NALCN: variants seen among roughly 807,000 people sequenced by gnomAD.
The protein encoded by NALCN is sodium leak channel, non-selective, also known as sodium leak channel NALCN.
A neutral mutation model predicts 225.3 loss-of-function variants in NALCN; 111 were observed. That is an observed-to-expected ratio of 0.49 (90% CI 0.42 to 0.58). The LOEUF (loss-of-function observed/expected upper bound fraction) is 0.58, where lower values mean the gene tolerates loss of function less well. Ranked by LOEUF, NALCN falls within the 20% of genes least tolerant of loss-of-function variation. The probability of loss-of-function intolerance (pLI) is 0.00; values close to 1 mark genes in which losing one functional copy is unlikely to be tolerated. For synonymous variants in NALCN, 764 were observed against 769.0 expected (o/e 0.99, Z 0.11); for missense variants, 1,378 against 2,202.4 (o/e 0.63, Z 7.49).
intron 15 of NALCN, among the ~76,000 whole-genome samples, chr13:101,160,104 A>G (rs35673244): frequency 0.49 from 73,854 of 151,288 alleles, 19,159 homozygotes; most frequent in East Asian, 0.94. Context: ...ACAGGTACAC[A>G]CCACCATGCC....
At chr13:101,060,273 C>CTTTTTTTTTTT (rs1566768228) in intron 41 of NALCN, among the ~76,000 whole-genome samples, 3 of 49,330 alleles carry the variant, frequency 6.1e-5, no homozygotes, top group Non-Finnish European at 1.1e-4. Context: ...TTGGTGTTTT[C>CTTTTTTTTTTT]TGTTTTTTTT....
intron 12 of NALCN, among the ~76,000 whole-genome samples, chr13:101,235,864 T>C (rs2041536073): frequency 6.6e-6 from 1 of 152,222 alleles, no homozygotes; most frequent in Non-Finnish European, 1.5e-5. Flanking sequence ...TCTAGTTACC[T>C]GTGATCTGGC....
In NALCN at chr13:101,218,787, G is replaced by C. The variant is rs576425755; in HGVS notation, c.1626+10606C>G. 2.0e-3 allele frequency among the ~76,000 whole-genome samples: 303 copies of C among 152,134 alleles called. 1 individual carries two copies. Among genetic ancestry groups the C allele is most frequent in the African/African-American group, 7.1e-3 (296 of 41,516 alleles). ...CCTTTGCCTTCTGCTGTGATTGTAA[G>C]TTTCTTGTGGTTTCCCCAGGAGCCA... On this transcript the variant is annotated intron_variant, in intron 13 of 43. Coordinates refer to ENST00000251127, the MANE Select transcript of NALCN (RefSeq NM_052867.4).
intron 7 of NALCN, among the ~76,000 whole-genome samples, chr13:101,339,767 A>C (rs777989464): frequency 2.0e-5 from 3 of 152,172 alleles, no homozygotes; most frequent in African/African-American, 4.8e-5. Flanking sequence ...TCAAACTAGA[A>C]AATTCAATGA....
chr13:101,106,635 C>G (rs2035120919), intron 22 of NALCN, among the ~76,000 whole-genome samples: 1 of 152,050 alleles, frequency 6.6e-6, no homozygotes, highest in South Asian at 2.1e-4. Context: ...GGCGGTTCCC[C>G]CATACTGTTC....
intron 10 of NALCN, among the ~76,000 whole-genome samples, chr13:101,275,343 T>C (rs1213125740): frequency 2.6e-5 from 4 of 152,182 alleles, no homozygotes; most frequent in Non-Finnish European, 2.9e-5. Context: ...ATCATGTGGC[T>C]CAAACGGAGA....
At chr13:101,066,040 A>G (rs1324478429) in intron 39 of NALCN, among the ~76,000 whole-genome samples, 3 of 152,198 alleles carry the variant, frequency 2.0e-5, no homozygotes, top group African/African-American at 7.2e-5. Context: ...TTCTACCATT[A>G]AAAGATAACT....
At chr13:101,318,673 T>C (rs2044641540) in intron 7 of NALCN, among the ~76,000 whole-genome samples, 1 of 152,184 alleles carries the variant, frequency 6.6e-6, no homozygotes, top group African/African-American at 2.4e-5. Flanking sequence ...TAGAATTATA[T>C]GCAACTAAGG....
At chr13:101,349,492 TC>T (rs149886245) in intron 6 of NALCN, among the ~76,000 whole-genome samples, 205 of 152,258 alleles carry the variant, frequency 1.3e-3, no homozygotes, top group African/African-American at 4.8e-3. Flanking sequence ...TCCTGAATTA[TC>T]CAGGTGGACC....
intron 9 of NALCN, among the ~76,000 whole-genome samples, chr13:101,288,259 G>T (rs2043413941): frequency 2.0e-5 from 3 of 152,126 alleles, no homozygotes. Context: ...TCCCTGAAAT[G>T]CATTAATTGA....
chr13:101,098,900 C>A (rs572141607), intron 27 of NALCN, among the ~76,000 whole-genome samples: 1 of 151,894 alleles, frequency 6.6e-6, no homozygotes, highest in Non-Finnish European at 1.5e-5. Context: ...ATGGCTGAGT[C>A]TCCTTAGGCT....
intron 10 of NALCN, among the ~76,000 whole-genome samples, chr13:101,283,468 C>A (rs1382585073): frequency 6.6e-6 from 1 of 152,110 alleles, no homozygotes; most frequent in East Asian, 1.9e-4. Context: ...CACCTGCAAT[C>A]CTTATGTTTG....
intron 13 of NALCN, among the ~76,000 whole-genome samples, chr13:101,221,496 C>T (rs1199101943): frequency 6.6e-6 from 1 of 152,184 alleles, no homozygotes; most frequent in Admixed American, 6.5e-5. Context: ...CTGACACAGG[C>T]TACTCCCAAC....
At chr13:101,337,854 G>A (rs184261166) in intron 7 of NALCN, among the ~76,000 whole-genome samples, 8 of 152,216 alleles carry the variant, frequency 5.3e-5, no homozygotes, top group African/African-American at 1.4e-4. Flanking sequence ...CTCAGCACAC[G>A]GGGCAGCAAG....
chr13:101,111,602 C>G (rs1397834805), intron 18 of NALCN, among the ~76,000 whole-genome samples: 1 of 152,182 alleles, frequency 6.6e-6, no homozygotes, highest in East Asian at 1.9e-4. Flanking sequence ...ATCTTGAATT[C>G]CCATGTGTCG....
rs117156664 is a variant in NALCN at position 101,054,960 on chromosome 13, G to A, written c.*335C>T. On this transcript the variant is annotated 3_prime_UTR_variant, in exon 44 of 44. Transcript: ENST00000251127. Reference sequence around the variant, plus strand: ...TGGGCTTAGCACTCTTTTGCGGGGCGGTGATAATACTGCATTAGAGCACAT... The same window carrying A: ...TGGGCTTAGCACTCTTTTGCGGGGCAGTGATAATACTGCATTAGAGCACAT... The A allele has an allele frequency of 1.5e-4, 32 of 207,042 alleles. No homozygotes were observed. The highest frequency in any genetic ancestry group is 1.7e-3 in the Middle Eastern group (1 of 590). 12.8% of individuals were successfully genotyped at this position (207,042 alleles called of 1,614,324 possible). A position where few individuals can be genotyped will look rare whatever the true frequency, so the allele number is the denominator to read the frequency against.
At chr13:101,343,713 C>T (rs934083001) in intron 7 of NALCN, among the ~76,000 whole-genome samples, 5 of 152,156 alleles carry the variant, frequency 3.3e-5, no homozygotes, top group African/African-American at 1.2e-4. Flanking sequence ...GCAATTTCCT[C>T]CTAGAACTGG....
chr13:101,268,465 C>T (rs751279666), intron 10 of NALCN, among the ~76,000 whole-genome samples: 1 of 152,118 alleles, frequency 6.6e-6, no homozygotes, highest in South Asian at 2.1e-4. Flanking sequence ...TAAATAATAA[C>T]CCTTGTGGGA....
At chr13:101,065,910 A>G (rs940824558) in intron 39 of NALCN, among the ~76,000 whole-genome samples, 24 of 152,268 alleles carry the variant, frequency 1.6e-4, no homozygotes, top group African/African-American at 2.9e-4. Context: ...GCCACCTCCA[A>G]CACATGCACT....
Sources: gnomAD v4.1 joint callset for allele counts (sites outside exome capture counted in the v4.1 genomes callset) on GRCh38, gnomAD v4.1.1 for gene constraint, MANE v1.5 for transcripts, NCBI Gene and HGNC (gene_info 2026-07-23, HGNC 2026-07-21) for gene names.